Variants in SIN3B observed in about 807,000 individuals in gnomAD.
SIN3B encodes the protein SIN3 transcription regulator family member B.
A neutral mutation model predicts 120.2 loss-of-function variants in SIN3B; 19 were observed. That is an observed-to-expected ratio of 0.16 (90% CI 0.11 to 0.23). The LOEUF (loss-of-function observed/expected upper bound fraction) is 0.23. Among genes scored for constraint, SIN3B ranks in the 10% least tolerant of loss-of-function variants. The pLI, the probability that SIN3B is intolerant of heterozygous loss-of-function variation, is 1.00. For missense variants in SIN3B, 1,073 were observed against 1,573.0 expected, an observed-to-expected ratio of 0.68 and a Z score of 5.38; for synonymous variants, 654 against 653.2, an observed-to-expected ratio of 1.00 and a Z score of -0.02.
chr19:16,842,966 G>T (rs541896297), intron 4 of SIN3B, among the ~76,000 whole-genome samples: 1 of 152,228 alleles, frequency 6.6e-6, no homozygotes, highest in African/African-American at 2.4e-5. Context: ...GCATCAGGGC[G>T]TCTGCAGGGG....
intron 14 of SIN3B, among the ~76,000 whole-genome samples, chr19:16,875,551 T>C (rs1288979235): frequency 7.6e-6 from 1 of 132,356 alleles, no homozygotes; most frequent in Non-Finnish European, 1.6e-5. Context: ...GTCTGGTCTG[T>C]TTGGTCTGGT....
chr19:16,841,268 T>C (rs772025331), intron 3 of SIN3B, among the ~76,000 whole-genome samples: 2 of 152,148 alleles, frequency 1.3e-5, no homozygotes, highest in Non-Finnish European at 2.9e-5. Context: ...AAAAATGTCA[T>C]GTCCCTTGAA....
chr19:16,836,091 C>A (rs1218280425), intron 3 of SIN3B, among the ~76,000 whole-genome samples: 2 of 152,216 alleles, frequency 1.3e-5, no homozygotes, highest in African/African-American at 2.4e-5. Context: ...CAGCCTCGGG[C>A]AGCCTTTGGC....
chr19:16,846,888 C>T lies in SIN3B; in HGVS notation c.583-82C>T, dbSNP rs552142665. Reference sequence around the variant, plus strand: ...CCTGAGAGTCATCCTGTCCCCTTCACGGAGGGCTGCCTGAGTGTCCCGGCC... The same window carrying T: ...CCTGAGAGTCATCCTGTCCCCTTCATGGAGGGCTGCCTGAGTGTCCCGGCC... On this transcript the variant is annotated intron_variant, in intron 4 of 18. Transcript: ENST00000248054. 1.2e-5 allele frequency: 17 copies of T among 1,463,918 alleles called. No individual in the cohort carries two copies. The East Asian group carries it at 2.1e-4, about 18-fold the overall frequency. 90.7% of individuals were successfully genotyped at this position (1,463,918 alleles called of 1,614,324 possible). A position where few individuals can be genotyped will look rare whatever the true frequency, so the allele number is the denominator to read the frequency against.
chr19:16,851,574 C>A lies in SIN3B; in HGVS notation c.849+40C>A, dbSNP rs571784483. ...CATGCAGCCATGCCTGCACGCGGGGCCCCCAGCAAATCGGGCCTTCCCAGC... is the reference window on the plus strand; with the variant it reads ...CATGCAGCCATGCCTGCACGCGGGGACCCCAGCAAATCGGGCCTTCCCAGC... On this transcript the variant is annotated intron_variant, in intron 6 of 18. Transcript: ENST00000248054. 1.6e-4 allele frequency: 250 copies of A among 1,533,712 alleles called. 5 individuals are homozygous for A. The South Asian group carries it at 3.1e-3, about 19-fold the overall frequency.
Position 16,878,519 on chromosome 19 carries a change from G to T in SIN3B, c.3185G>T (p.Arg1062Leu), listed in dbSNP as rs771879389. 1 of 1,583,304 alleles carries T rather than the reference G, an allele frequency of 6.3e-7. No individual in the cohort carries two copies. The highest frequency in any genetic ancestry group is 8.6e-7 in the Non-Finnish European group (1 of 1,165,296). ...AKQVQPLVLL[R>L]HHQHFEEWHS... ...CAGGTGCAGCCCCTGGTCCTGCTCC[G>T]CCACCACCAGCACTTTGAGGAGTGG... is the stretch of plus-strand genomic sequence containing the variant. The change falls in exon 19 of 19, where the codon CGC (arginine) becomes CTC (leucine). Residue 1062 changes from arginine (R) to leucine (L), a missense_variant. Transcript: ENST00000248054.
In SIN3B at chr19:16,862,960, T is replaced by C; in HGVS notation, c.1266+401T>C. 6.2e-7 allele frequency: 1 copy of C among 1,614,152 alleles called. No homozygotes were observed. Among genetic ancestry groups the C allele is most frequent in the Non-Finnish European group, 8.5e-7 (1 of 1,179,940 alleles). On this transcript the variant is annotated intron_variant, in intron 9 of 18. Transcript: ENST00000248054. This position sits in a 1 kb window ranked among gnomAD's most constrained non-coding sequence, Gnocchi z 4.7. ...TCCAAGTTCAAGAATACCTGCTGGA[T>C]TCCAGGATATAGTGCAGGGGTCAGC...
intron 10 of SIN3B, 99 bp from the exon 11 acceptor site, chr19:16,865,311 C>CA (rs943051804): frequency 1.1e-5 from 6 of 554,162 alleles, no homozygotes; most frequent in South Asian, 5.2e-5. Context: ...CACACACCCC[C>CA]CCCCCAAAAA....
chr19:16,868,535 T>C (rs1261420875), intron 12 of SIN3B, among the ~76,000 whole-genome samples: 2 of 152,150 alleles, frequency 1.3e-5, no homozygotes. Flanking sequence ...ATGAAAGTCA[T>C]GATCTAGATA....
intron 10 of SIN3B, among the ~76,000 whole-genome samples, chr19:16,864,611 A>AATGAGCC (rs1256386575): frequency 1.3e-5 from 2 of 151,852 alleles, no homozygotes; most frequent in East Asian, 3.9e-4. Flanking sequence ...AGATTAAAGG[A>AATGAGCC]ATGAGCCACC....
Position 16,870,014 on chromosome 19 carries a change from G to T in SIN3B, c.2361G>T (p.Leu787=). ...CCGAGAAGGAGCGGGAGAAGCTGCT[G>T]TGTGAGGGCCGCAGGGAGAAGGGCA... ...YRTEKEREKL[L]CEGRREKGSD... The change falls in exon 13 of 19, where the codon CTG becomes CTT. Residue 787 remains leucine, a synonymous_variant. Transcript: ENST00000248054. 1 of 1,613,300 alleles carries T rather than the reference G, an allele frequency of 6.2e-7. No homozygotes were observed. Among genetic ancestry groups the T allele is most frequent in the Non-Finnish European group, 8.5e-7 (1 of 1,179,774 alleles).
At chr19:16,868,860 G>A (rs571308854) in intron 12 of SIN3B, among the ~76,000 whole-genome samples, 3 of 152,294 alleles carry the variant, frequency 2.0e-5, no homozygotes, top group South Asian at 2.1e-4. Flanking sequence ...GGCTGGCGGG[G>A]ACAGCAGCGG....
rs144352145 is a variant in SIN3B, at chr19:16,868,357, C to T, written c.1807-1103C>T. On this transcript the variant is annotated intron_variant, in intron 12 of 18. Transcript: ENST00000248054. ...CTGCTAGGAGACCCGGTCCTTCCCTCGGGAGCCTGCAGAGATGGCATCCAC... is the reference window on the plus strand; with the variant it reads ...CTGCTAGGAGACCCGGTCCTTCCCTTGGGAGCCTGCAGAGATGGCATCCAC... 5.1e-4 allele frequency among the ~76,000 whole-genome samples: 77 copies of T among 152,254 alleles called. 3 individuals carry two copies. The East Asian group carries it at 0.011, about 22-fold the overall frequency.
chr19:16,860,252 T>G (rs1971668318), intron 8 of SIN3B, among the ~76,000 whole-genome samples: 1 of 152,162 alleles, frequency 6.6e-6, no homozygotes, highest in South Asian at 2.1e-4. Flanking sequence ...GGTCAAGTGC[T>G]CAGCTGGGCT....
chr19:16,849,176 A>G (rs1258028200), intron 5 of SIN3B, among the ~76,000 whole-genome samples: 2 of 152,264 alleles, frequency 1.3e-5, no homozygotes, highest in African/African-American at 2.4e-5. Flanking sequence ...TTAAAACTGT[A>G]GGAAAAAGAA....
At chr19:16,835,973 A>G (rs182547614) in intron 3 of SIN3B, among the ~76,000 whole-genome samples, 1 of 151,988 alleles carries the variant, frequency 6.6e-6, no homozygotes, top group Non-Finnish European at 1.5e-5. Flanking sequence ...TTCTAGTTTG[A>G]CTGTTTTGAA....
intron 13 of SIN3B, among the ~76,000 whole-genome samples, chr19:16,870,480 G>T (rs2051496372): frequency 6.6e-6 from 1 of 151,984 alleles, no homozygotes; most frequent in Non-Finnish European, 1.5e-5. Flanking sequence ...CACTTCCCAG[G>T]TTCAAGTGAT....
In SIN3B at chr19:16,878,829, C is replaced by G. The variant is rs1026762733; in HGVS notation, c.*102C>G. The G allele has an allele frequency of 9.7e-7, 1 of 1,026,706 alleles. No homozygotes were observed. The highest frequency in any genetic ancestry group is 1.4e-6 in the Non-Finnish European group (1 of 710,542). 63.6% of individuals were successfully genotyped at this position (1,026,706 alleles called of 1,614,324 possible). A position where few individuals can be genotyped will look rare whatever the true frequency, so the allele number is the denominator to read the frequency against. ...TTCTTGAACGACGTGAGAGGCATCT[C>G]CCAGCCCCTCTGCTGCCGGACAGCG... On this transcript the variant is annotated 3_prime_UTR_variant, in exon 19 of 19. Coordinates refer to ENST00000248054, the MANE Select transcript of SIN3B (RefSeq NM_001297595.2).
chr19:16,874,318 G>A (rs1317155213), intron 14 of SIN3B, among the ~76,000 whole-genome samples: 1 of 151,678 alleles, frequency 6.6e-6, no homozygotes, highest in Non-Finnish European at 1.5e-5. Flanking sequence ...GTCTAGTTTT[G>A]GTCTGGTCTG....
Sources: allele counts gnomAD v4.1 joint callset (sites outside exome capture counted in the v4.1 genomes callset), GRCh38; gene constraint gnomAD v4.1.1; non-coding constraint Gnocchi (gnomAD v3.1); transcripts MANE v1.5; gene names NCBI Gene and HGNC (gene_info 2026-07-23, HGNC 2026-07-21).